Variants in UNC13C observed in about 807,000 individuals in gnomAD.
The protein encoded by UNC13C is protein unc-13 homolog C.
In UNC13C, 174 loss-of-function variants were observed where a neutral mutation model predicts 245.4. That is an observed-to-expected ratio of 0.71 (90% CI 0.63 to 0.80). The LOEUF is 0.80. UNC13C is among the 30% of genes least tolerant of loss of function. The probability of loss-of-function intolerance (pLI) is 0.00; values close to 1 mark genes in which losing one functional copy is unlikely to be tolerated. For synonymous variants in UNC13C, 992 were observed against 895.1 expected, an observed-to-expected ratio of 1.11 and a Z score of -1.93; for missense variants, 2,829 against 2,602.9, an observed-to-expected ratio of 1.09 and a Z score of -1.89.
chr15:54,240,869 C>A (rs957531168), intron 7 of UNC13C, among the ~76,000 whole-genome samples: 1 of 152,144 alleles, frequency 6.6e-6, no homozygotes, highest in Non-Finnish European at 1.5e-5. Context: ...AGGTGTGAAT[C>A]TGACAGTGGG....
chr15:54,118,391 A>T (rs2030426335), intron 2 of UNC13C, among the ~76,000 whole-genome samples: 1 of 151,906 alleles, frequency 6.6e-6, no homozygotes, highest in Non-Finnish European at 1.5e-5. Context: ...TTGATCCCTA[A>T]GTATTTTCTT....
At chr15:54,204,167 A>G (rs2034631919) in intron 4 of UNC13C, among the ~76,000 whole-genome samples, 1 of 151,800 alleles carries the variant, frequency 6.6e-6, no homozygotes, top group Non-Finnish European at 1.5e-5. Context: ...GTCAAGGGAT[A>G]AAATACTACA....
intron 10 of UNC13C, among the ~76,000 whole-genome samples, chr15:54,281,367 T>G (rs1406849027): frequency 6.6e-6 from 1 of 152,164 alleles, no homozygotes; most frequent in Non-Finnish European, 1.5e-5. Context: ...AAGACACAAA[T>G]GCTAAGATCT....
At chr15:54,216,028 A>G (rs1435234149) in intron 4 of UNC13C, among the ~76,000 whole-genome samples, 3 of 151,976 alleles carry the variant, frequency 2.0e-5, no homozygotes, top group Non-Finnish European at 2.9e-5. Flanking sequence ...AAAATTCACA[A>G]CAAATGTACA....
chr15:54,525,938 T>G (rs1287349598), intron 25 of UNC13C, among the ~76,000 whole-genome samples: 1 of 152,134 alleles, frequency 6.6e-6, no homozygotes, highest in East Asian at 1.9e-4. Context: ...CACACCTATA[T>G]GCAGTTCTAG....
intron 30 of UNC13C, among the ~76,000 whole-genome samples, chr15:54,606,737 A>C (rs1899787228): frequency 6.6e-6 from 1 of 152,194 alleles, no homozygotes; most frequent in South Asian, 2.1e-4. Flanking sequence ...TTAGGAGCTA[A>C]ATCTCAGTCT....
intron 10 of UNC13C, among the ~76,000 whole-genome samples, chr15:54,279,946 T>C (rs2036931520): frequency 6.6e-6 from 1 of 152,162 alleles, no homozygotes; most frequent in African/African-American, 2.4e-5. Flanking sequence ...TCAGCAAATA[T>C]TAAACAGTAA....
At chr15:53,907,094 T>G in the UNC13C span, among the ~76,000 whole-genome samples, 1 of 152,312 alleles carries the variant, frequency 6.6e-6, no homozygotes, top group South Asian at 2.1e-4. Context: ...TTGTTTTTGT[T>G]TGTTTGGTTG....
intron 2 of UNC13C, among the ~76,000 whole-genome samples, chr15:54,087,273 CA>C (rs1379086663): frequency 2.0e-5 from 3 of 152,032 alleles, no homozygotes; most frequent in Admixed American, 1.3e-4. Context: ...CCTTGGAAAT[CA>C]CTAGTTCATC....
intron 19 of UNC13C, among the ~76,000 whole-genome samples, chr15:54,456,913 A>G (rs1301119825): frequency 6.6e-6 from 1 of 152,072 alleles, no homozygotes; most frequent in Non-Finnish European, 1.5e-5. Context: ...TTCCAGTACT[A>G]TGTTGAATAG....
At position 54,573,428 on chromosome 15, in the gene UNC13C, CA is replaced by C. The variant is rs554639374; in HGVS notation, c.6106+5485del. 4.0e-4 allele frequency among the ~76,000 whole-genome samples: 61 copies of C among 152,170 alleles called. No individual in the cohort carries two copies. In the East Asian group the frequency reaches 8.7e-3, roughly 22 times the overall value. On this transcript the variant is annotated intron_variant, in intron 30 of 32. Coordinates refer to ENST00000260323, the MANE Select transcript of UNC13C (RefSeq NM_001080534.3). The stretch of plus-strand genomic sequence containing the variant: ...TCCAAACATGGAAAATAAACAAATC[CA>C]AAATGGATGTAGAAGTATTCTTAAG...
chr15:53,962,121 G>T, the UNC13C span, among the ~76,000 whole-genome samples: 4 of 152,076 alleles, frequency 2.6e-5, no homozygotes, highest in African/African-American at 9.7e-5. Flanking sequence ...TTTAATCCAT[G>T]ACATTGATGA....
intron 6 of UNC13C, among the ~76,000 whole-genome samples, chr15:54,237,273 T>C (rs1007766175): frequency 6.6e-6 from 1 of 152,150 alleles, no homozygotes; most frequent in African/African-American, 2.4e-5. Flanking sequence ...TGAATGAATA[T>C]ATCACAACCA....
chr15:53,867,239 A>G, the UNC13C span, among the ~76,000 whole-genome samples: 3 of 152,232 alleles, frequency 2.0e-5, no homozygotes, highest in African/African-American at 7.2e-5. Context: ...GTCAAGGAAT[A>G]CAAATATGCT....
At chr15:54,302,738 T>G (rs1031079553) in intron 13 of UNC13C, among the ~76,000 whole-genome samples, 3 of 152,186 alleles carry the variant, frequency 2.0e-5, no homozygotes, top group Non-Finnish European at 2.9e-5. Context: ...TGCTTAGGAT[T>G]GTCTTGGCTA....
chr15:54,104,163 C>T (rs1286010917), intron 2 of UNC13C, among the ~76,000 whole-genome samples: 2 of 152,260 alleles, frequency 1.3e-5, no homozygotes, highest in African/African-American at 4.8e-5. Context: ...GTACCTGCTT[C>T]ATTGCTCTTC....
intron 29 of UNC13C, among the ~76,000 whole-genome samples, chr15:54,558,229 G>A (rs1036079743): frequency 6.6e-6 from 1 of 151,998 alleles, no homozygotes; most frequent in Non-Finnish European, 1.5e-5. Context: ...TTGTGCACAT[G>A]TACCCTAAAA....
chr15:54,052,796 C>T (rs1006699623), intron 2 of UNC13C, among the ~76,000 whole-genome samples: 3 of 152,110 alleles, frequency 2.0e-5, no homozygotes, highest in Non-Finnish European at 4.4e-5. Context: ...TCACTTGTCA[C>T]CTCGAACAAT....
intron 18 of UNC13C, among the ~76,000 whole-genome samples, chr15:54,396,742 T>G (rs1488531683): frequency 6.6e-6 from 1 of 151,490 alleles, no homozygotes; most frequent in Non-Finnish European, 1.5e-5. Context: ...ATTATCTAAC[T>G]ATGATTTTAA....
Sources: allele counts gnomAD v4.1 joint callset (sites outside exome capture counted in the v4.1 genomes callset), GRCh38; gene constraint gnomAD v4.1.1; transcripts MANE v1.5; gene names NCBI Gene and HGNC (gene_info 2026-07-23, HGNC 2026-07-21).